Variants in SCML4 observed in about 807,000 individuals in gnomAD.
SCML4 encodes the protein Scm polycomb group protein like 4.
In SCML4, 34 loss-of-function variants were observed where a neutral mutation model predicts 41.1. The ratio of observed to expected loss-of-function variants is 0.83; its 90% CI spans 0.63 to 1.10. The LOEUF is 1.10. Among genes scored for constraint, SCML4 ranks in the 50% least tolerant of loss-of-function variants. SCML4 has a pLI of 0.00. For synonymous variants in SCML4, 214 were observed against 220.9 expected, an observed-to-expected ratio of 0.97 and a Z score of 0.28; for missense variants, 522 against 534.1, an observed-to-expected ratio of 0.98 and a Z score of 0.22.
intron 7 of SCML4, among the ~76,000 whole-genome samples, chr6:107,706,494 A>T (rs374226616): frequency 6.6e-6 from 1 of 152,204 alleles, no homozygotes; most frequent in Non-Finnish European, 1.5e-5. Flanking sequence ...ATAAAATAAG[A>T]AACAGGAAAC....
chr6:107,721,557 A>T (rs1240479367), intron 5 of SCML4, among the ~76,000 whole-genome samples: 1 of 150,964 alleles, frequency 6.6e-6, no homozygotes, highest in Non-Finnish European at 1.5e-5. Flanking sequence ...AAGATCAAAG[A>T]CTTTCTTCTG....
intron 1 of SCML4, among the ~76,000 whole-genome samples, chr6:107,822,979 T>C (rs903092342): frequency 1.3e-5 from 2 of 150,326 alleles, no homozygotes; most frequent in Non-Finnish European, 2.9e-5. Context: ...TTGTAGTTAT[T>C]TTTATGCTTT....
At chr6:107,806,454 A>G (rs949165687) in intron 1 of SCML4, among the ~76,000 whole-genome samples, 3 of 152,170 alleles carry the variant, frequency 2.0e-5, no homozygotes, top group Non-Finnish European at 4.4e-5. Flanking sequence ...AACAAATATA[A>G]GTAACGCCAC....
chr6:107,835,385 A>G, the SCML4 span, among the ~76,000 whole-genome samples: 1 of 152,162 alleles, frequency 6.6e-6, no homozygotes, highest in Admixed American at 6.6e-5. Flanking sequence ...AAATAATTTA[A>G]AAATGAAATG....
At chr6:107,721,133 C>A in intron 5 of SCML4, 140 bp from the exon 6 acceptor site, 1 of 986,384 alleles carries the variant, frequency 1.0e-6, no homozygotes, top group East Asian at 2.8e-5. Context: ...ATGAACCTCA[C>A]AACATAATTC....
chr6:107,768,385 G>A (rs1268808315), intron 2 of SCML4, among the ~76,000 whole-genome samples: 2 of 152,140 alleles, frequency 1.3e-5, no homozygotes, highest in African/African-American at 2.4e-5. Flanking sequence ...TTTGTATCCC[G>A]AATGACACAA....
chr6:107,845,067 C>G, the SCML4 span, among the ~76,000 whole-genome samples: 4 of 151,978 alleles, frequency 2.6e-5, no homozygotes, highest in African/African-American at 9.7e-5. Context: ...GAAACCCCAT[C>G]TCTATTAAAA....
chr6:107,826,276 G>GAAGAA (rs543150008), upstream of SCML4, among the ~76,000 whole-genome samples: 5 of 138,828 alleles, frequency 3.6e-5, no homozygotes, highest in East Asian at 2.1e-4. Context: ...AAAAAGAAAA[G>GAAGAA]AAGAAAAGAA....
intron 5 of SCML4, among the ~76,000 whole-genome samples, chr6:107,739,408 T>C (rs1777379757): frequency 6.6e-6 from 1 of 152,222 alleles, no homozygotes; most frequent in African/African-American, 2.4e-5. Context: ...GTTCTTTCCA[T>C]AGTTCCTTAG....
chr6:107,769,144 C>T (rs1335743999), intron 2 of SCML4, among the ~76,000 whole-genome samples: 15 of 152,156 alleles, frequency 9.9e-5, no homozygotes, highest in Non-Finnish European at 1.5e-4. Context: ...ATAGAACATA[C>T]GACGTTCAGA....
intron 5 of SCML4, chr6:107,743,852 T>A (rs1159049678): frequency 3.3e-5 from 5 of 152,224 alleles, no homozygotes; most frequent in Non-Finnish European, 7.3e-5. Flanking sequence ...AATTTATCCT[T>A]CCCTGCTGTC....
At chr6:107,822,541 T>G (rs1785027305) in intron 1 of SCML4, among the ~76,000 whole-genome samples, 2 of 140,586 alleles carry the variant, frequency 1.4e-5, no homozygotes, top group East Asian at 4.0e-4. Flanking sequence ...TAAAAGTAAT[T>G]TTGGGGACAC....
intron 1 of SCML4, among the ~76,000 whole-genome samples, chr6:107,808,237 T>C (rs1367658195): frequency 1.3e-5 from 2 of 152,190 alleles, no homozygotes; most frequent in Admixed American, 1.3e-4. Context: ...AACTTGTTCT[T>C]GGCAACCACA....
At chr6:107,748,630 C>CA (rs1265641395) in intron 3 of SCML4, among the ~76,000 whole-genome samples, 1 of 152,216 alleles carries the variant, frequency 6.6e-6, no homozygotes, top group African/African-American at 2.4e-5. Context: ...GACCTTCATA[C>CA]AGGCACTATG....
At chr6:107,826,901 A>G (rs1476961903), upstream of SCML4, among the ~76,000 whole-genome samples, 1 of 135,788 alleles carries the variant, frequency 7.4e-6, no homozygotes, top group African/African-American at 3.4e-5. Context: ...GTCTCTACTA[A>G]AAATACAAAA....
intron 1 of SCML4, among the ~76,000 whole-genome samples, chr6:107,781,520 G>T (rs761009434): frequency 7.2e-5 from 11 of 152,026 alleles, no homozygotes; most frequent in Non-Finnish European, 1.3e-4. Flanking sequence ...GGTGGTGTGT[G>T]CCTGCGCTCC....
At chr6:107,839,399 AAGAAAG>A in the SCML4 span, among the ~76,000 whole-genome samples, 9 of 142,328 alleles carry the variant, frequency 6.3e-5, no homozygotes, top group Admixed American at 1.4e-4. Context: ...GAAAGAAAGA[AAGAAAG>A]AAAGAGGAAG....
rs375382689 is a variant in SCML4, at chr6:107,755,655, C to T, written c.157-5842G>A. The stretch of plus-strand genomic sequence containing the variant: ...GGCAGGGCATTTGTCTTTGTTGTTG[C>T]CTTAGGTTTCTAAAAAAAAAAAAAA... On this transcript the variant is annotated intron_variant, in intron 2 of 7. Transcript: ENST00000369020. The T allele has an allele frequency of 3.9e-6, 5 of 1,296,380 alleles. No individual in the cohort carries two copies. In the Admixed American group the frequency reaches 8.1e-5, roughly 21 times the overall value. The allele number at this position is 1,296,380 out of a possible 1,614,324, so 80.3% of individuals were successfully genotyped here.
intron 3 of SCML4, among the ~76,000 whole-genome samples, chr6:107,748,398 TG>T (rs1778323608): frequency 6.6e-6 from 1 of 152,084 alleles, no homozygotes; most frequent in Admixed American, 6.5e-5. Context: ...TAGGTTTTTT[TG>T]TTTTTTTGTT....
Sources: allele counts gnomAD v4.1 joint callset (sites outside exome capture counted in the v4.1 genomes callset), GRCh38; gene constraint gnomAD v4.1.1; transcripts MANE v1.5; gene names NCBI Gene and HGNC (gene_info 2026-07-23, HGNC 2026-07-21).